FANCG: variants seen among roughly 807,000 people sequenced by gnomAD.
FANCG encodes FA complementation group G.
Under a neutral mutation model 73.3 loss-of-function variants are expected in FANCG, and 67 were observed. The ratio of observed to expected loss-of-function variants is 0.91; its 90% CI spans 0.75 to 1.12. The LOEUF is 1.12. FANCG is among the 50% of genes most tolerant of loss of function. FANCG has a pLI of 0.00. For missense variants in FANCG, 643 were observed against 735.6 expected, an observed-to-expected ratio of 0.87 and a Z score of 1.46; for synonymous variants, 297 against 311.6, an observed-to-expected ratio of 0.95 and a Z score of 0.49.
At position 35,075,531 on chromosome 9, in the gene FANCG, TG is replaced by T. The variant is rs587778345; in HGVS notation, c.1366del (p.His456ThrfsTer62). The T allele has an allele frequency of 6.2e-7, 1 of 1,614,052 alleles. No individual in the cohort carries two copies. The highest frequency in any genetic ancestry group is 8.5e-7 in the Non-Finnish European group (1 of 1,179,998). ...PYCPLWVSAT[H>X]LLQGQAWVQL... ...AACCCAGGCCTGGCCCTGAAGCAGG[TG>T]GGTGGCAGAGACCCAGAGTGGGCAG... On this transcript the variant is annotated frameshift_variant, in exon 10 of 14. Coordinates refer to ENST00000378643, the MANE Select transcript of FANCG (RefSeq NM_004629.2). LOFTEE classifies it high-confidence loss of function.
At position 35,078,354 on chromosome 9, in the gene FANCG, T is replaced by TAC. The variant is rs756482885; in HGVS notation, c.308-13_308-12dup. 1.9e-4 allele frequency: 313 copies of TAC among 1,611,578 alleles called. No individual in the cohort carries two copies. Among genetic ancestry groups the TAC allele is most frequent in the Non-Finnish European group, 2.6e-4 (302 of 1,179,096 alleles). ...CCTGTGTCTCCAGCACTGTAGAGTATACACACACACATAGACACACACACA... is the reference window on the plus strand; with the variant it reads ...CCTGTGTCTCCAGCACTGTAGAGTATACACACACACACATAGACACACACACA... On this transcript the variant is annotated splice_polypyrimidine_tract_variant and intron_variant, in intron 3 of 13. Coordinates refer to ENST00000378643, the MANE Select transcript of FANCG (RefSeq NM_004629.2).
intron 9 of FANCG, 89 bp downstream of exon 9, chr9:35,075,873 G>GA: frequency 6.4e-7 from 1 of 1,566,368 alleles, no homozygotes; most frequent in Admixed American, 1.7e-5. Context: ...CAGAATAGAG[G>GA]AAAAAACAAA....
chr9:35,075,818 A>G lies in FANCG; in HGVS notation c.1144-64T>C, dbSNP rs779253369. ...AGCCACCATCCCCAACCTCTTCACC[A>G]GGCTCTGGTACCATGCAGAGTCCTG... On this transcript the variant is annotated intron_variant, in intron 9 of 13. Transcript: ENST00000378643. 146 of 1,550,424 alleles carry G rather than the reference A, an allele frequency of 9.4e-5. 1 individual carries two copies. Among genetic ancestry groups the G allele is most frequent in the Non-Finnish European group, 1.1e-4 (129 of 1,124,088 alleles).
At position 35,075,737 on chromosome 9, in the gene FANCG, G is replaced by A. The variant is rs2131054266; in HGVS notation, c.1161C>T (p.Ser387=). 3 of 601,962 alleles carry A rather than the reference G, an allele frequency of 5.0e-6. No individual in the cohort carries two copies. Among genetic ancestry groups the A allele is most frequent in the East Asian group, 4.8e-5 (1 of 21,030 alleles). 37.3% of individuals were successfully genotyped at this position (601,962 alleles called of 1,614,324 possible). ...SSEPRFSPPP[S]PPGPCMPEVF... ...CCTCAGGCATACAGGGCCCTGGAGG[G>A]GAGGGGGGTGGGGAGAACTGGAGTG... The change falls in exon 10 of 14, where the codon TCC becomes TCT. Residue 387 remains serine (S), a synonymous_variant. Transcript: ENST00000378643.
chr9:35,077,514 C>T, intron 4 of FANCG, 115 bp from the exon 5 acceptor site: 1 of 1,259,642 alleles, frequency 7.9e-7, no homozygotes, highest in African/African-American at 1.5e-5. Context: ...CTTGAGGACA[C>T]AGGCCTCAGC....
intron 3 of FANCG, 98 bp downstream of exon 3, chr9:35,078,507 T>A (rs568768207): frequency 6.4e-7 from 1 of 1,561,546 alleles, no homozygotes; most frequent in Middle Eastern, 1.8e-4. Context: ...CCTCTCTCCA[T>A]GGAGGTGACA....
intron 1 of FANCG, 76 bp downstream of exon 1, chr9:35,079,365 G>C: frequency 2.5e-6 from 4 of 1,578,492 alleles, no homozygotes; most frequent in Non-Finnish European, 3.5e-6. Context: ...CTCCCCATCG[G>C]TTGGGGTAAA....
intron 4 of FANCG, 121 bp from the exon 5 acceptor site, chr9:35,077,520 T>A: frequency 1.4e-5 from 17 of 1,207,002 alleles, no homozygotes; most frequent in Non-Finnish European, 2.1e-5. Flanking sequence ...GACACAGGCC[T>A]CAGCTACCCT....
intron 9 of FANCG, 88 bp from the exon 10 acceptor site, chr9:35,075,842 T>G (rs1829072884): frequency 6.5e-7 from 1 of 1,534,334 alleles, no homozygotes; most frequent in African/African-American, 1.4e-5. Context: ...TGCAGAGTCC[T>G]GGGCCCCCAG....
chr9:35,076,601 A>T lies in FANCG; in HGVS notation c.925-18T>A. ...TTCAAGGCCTAAAAGAGAAAGAAAA[A>T]AATTGTATCTATAATCTTTGGGAGC... is the stretch of plus-strand genomic sequence containing the variant. On this transcript the variant is annotated intron_variant, in intron 7 of 13. Transcript: ENST00000378643. The T allele has an allele frequency of 6.2e-7, 1 of 1,614,106 alleles. No individual in the cohort carries two copies. The highest frequency in any genetic ancestry group is 8.5e-7 in the Non-Finnish European group (1 of 1,180,010).
Position 35,079,806 on chromosome 9 carries a change from A to C in FANCG, c.-282T>G. The C allele has an allele frequency of 2.0e-6, 1 of 510,212 alleles. No individual in the cohort carries two copies. Among genetic ancestry groups the C allele is most frequent in the Non-Finnish European group, 3.6e-6 (1 of 278,452 alleles). The allele number at this position is 510,212 out of a possible 1,614,324, so 31.6% of individuals were successfully genotyped here. A position where few individuals can be genotyped will look rare whatever the true frequency, so the allele number is the denominator to read the frequency against. On this transcript the variant is annotated 5_prime_UTR_variant, in exon 1 of 14. Transcript: ENST00000378643. ...CTTGAAGAGTTAGTTCCCGCGGGAAACTCGGGGAGGAAACGAGTCAGCAAC... is the reference window on the plus strand; with the variant it reads ...CTTGAAGAGTTAGTTCCCGCGGGAACCTCGGGGAGGAAACGAGTCAGCAAC...
intron 2 of FANCG, 62 bp downstream of exon 2, chr9:35,079,089 G>A (rs1413195254): frequency 9.3e-6 from 13 of 1,399,486 alleles, no homozygotes; most frequent in East Asian, 2.5e-5. Flanking sequence ...AAAAACGCAG[G>A]AGCGGATGTT....
Position 35,078,327 on chromosome 9 carries a change from C to G in FANCG, c.324G>C (p.Glu108Asp). The G allele has an allele frequency of 6.2e-7, 1 of 1,613,570 alleles. No homozygotes were observed. The highest frequency in any genetic ancestry group is 8.5e-7 in the Non-Finnish European group (1 of 1,180,006). Residue 108 changes from glutamate to aspartate, a missense_variant, in exon 4 of 14, where the codon GAG (glutamate) becomes GAC (aspartate). Coordinates refer to ENST00000378643, the MANE Select transcript of FANCG (RefSeq NM_004629.2). ...RSLERVLETQEQQGPRLEQGL... is the reference protein window; with the variant it reads ...RSLERVLETQDQQGPRLEQGL... ...CCTGTTCCAACCTGGGCCCCTGCTG[C>G]TCCTGTGTCTCCAGCACTGTAGAGT...
In FANCG at chr9:35,075,328, G is replaced by A; in HGVS notation, c.1434-3C>T. 1 of 1,614,136 alleles carries A rather than the reference G, an allele frequency of 6.2e-7. No individual in the cohort carries two copies. The highest frequency in any genetic ancestry group is 8.5e-7 in the Non-Finnish European group (1 of 1,180,028). On this transcript the variant is annotated splice_polypyrimidine_tract_variant and splice_region_variant and intron_variant, in intron 10 of 13. Coordinates refer to ENST00000378643, the MANE Select transcript of FANCG (RefSeq NM_004629.2). Reference sequence around the variant, plus strand: ...CCCGGAAGAGCAGCTCGAGGCACCTGAAGTAGGACACAGAACAGGGGTGAA... The same window carrying A: ...CCCGGAAGAGCAGCTCGAGGCACCTAAAGTAGGACACAGAACAGGGGTGAA...
Position 35,075,500 on chromosome 9 carries a change from C to T in FANCG, c.1398G>A (p.Leu466=). The change falls in exon 10 of 14, where the codon CTG becomes CTA. Residue 466 remains leucine (L), a synonymous_variant. Coordinates refer to ENST00000378643, the MANE Select transcript of FANCG (RefSeq NM_004629.2). ...HLLQGQAWVQ[L]GAQKVAISEF... ...CACTAATTGCCACTTTTTGGGCACC[C>T]AGTTGAACCCAGGCCTGGCCCTGAA... The T allele has an allele frequency of 6.2e-7, 1 of 1,614,146 alleles. No individual in the cohort carries two copies. The highest frequency in any genetic ancestry group is 8.5e-7 in the Non-Finnish European group (1 of 1,180,028).
rs1419629240 is a variant in FANCG, at chr9:35,078,264, G to A, written c.387C>T (p.Ser129=). The A allele has an allele frequency of 2.5e-6, 4 of 1,614,044 alleles. No individual in the cohort carries two copies. The African/African-American group carries it at 5.3e-5, about 22-fold the overall frequency. ...RELWDSVLRA[S]CLLPELLSAL... ...CAGACAGCAGCTCCGGCAGAAGGCAGGAAGCACGAAGGACAGAGTCCCACA... is the reference window on the plus strand; with the variant it reads ...CAGACAGCAGCTCCGGCAGAAGGCAAGAAGCACGAAGGACAGAGTCCCACA... The change falls in exon 4 of 14, where the codon TCC becomes TCT. Residue 129 remains serine, a synonymous_variant. Transcript: ENST00000378643.
At position 35,079,579 on chromosome 9, in the gene FANCG, G is replaced by A; in HGVS notation, c.-55C>T. ...AGCGGACTTAGGAAGGGTGAAGCTG[G>A]CCTGCCCAAGCTCCCAACCCCAGCG... On this transcript the variant is annotated 5_prime_UTR_variant, in exon 1 of 14. Transcript: ENST00000378643. The A allele has an allele frequency of 1.9e-6, 3 of 1,570,008 alleles. No individual in the cohort carries two copies. The highest frequency in any genetic ancestry group is 2.6e-6 in the Non-Finnish European group (3 of 1,141,238).
chr9:35,074,684 CACA>C, intron 12 of FANCG, 190 bp from the exon 13 acceptor site: 1 of 890,598 alleles, frequency 1.1e-6, no homozygotes, highest in Non-Finnish European at 1.8e-6. Context: ...CTGTGCAACC[CACA>C]ACAGCAGAGT....
rs1829068081 is a variant in FANCG at position 35,075,633 on chromosome 9, C to G, written c.1265G>C (p.Ser422Thr). The change falls in exon 10 of 14, where the codon AGC becomes ACC. Residue 422 changes from serine to threonine, a missense_variant. Physicochemically the swap from Ser to Thr is moderately conservative, Grantham distance 58. Transcript: ENST00000378643. ...DALTLCEELL[S>T]RTSSLLPKMS... ...CTTGGGTAGCAGAGATGATGTGCGGCTGAGCAACTCCTCACATAGAGTCAA... is the reference window on the plus strand; with the variant it reads ...CTTGGGTAGCAGAGATGATGTGCGGGTGAGCAACTCCTCACATAGAGTCAA... 1 of 1,613,640 alleles carries G rather than the reference C, an allele frequency of 6.2e-7. No homozygotes were observed. The highest frequency in any genetic ancestry group is 8.5e-7 in the Non-Finnish European group (1 of 1,180,014).
Sources: allele counts gnomAD v4.1 joint callset, GRCh38; gene constraint gnomAD v4.1.1; transcripts MANE v1.5; gene names NCBI Gene and HGNC (gene_info 2026-07-23, HGNC 2026-07-21).